Variants in TRMT2B observed in about 807,000 individuals in gnomAD.
TRMT2B encodes the protein tRNA (uracil-5-)-methyltransferase homolog B.
In TRMT2B, 34 loss-of-function variants were observed where a neutral mutation model predicts 39.7. That is an observed-to-expected ratio of 0.86 (90% CI 0.65 to 1.14). The LOEUF is 1.14. Ranked by LOEUF, TRMT2B falls within the 50% of genes most tolerant of loss-of-function variation. The pLI, the probability that TRMT2B is intolerant of heterozygous loss-of-function variation, is 0.00. For synonymous variants in TRMT2B, 132 were observed against 137.3 expected, an observed-to-expected ratio of 0.96 and a Z score of 0.27; for missense variants, 318 against 377.2, an observed-to-expected ratio of 0.84 and a Z score of 1.30.
chrX:101,024,453 T>C (rs1335850129), intron 7 of TRMT2B, among the ~76,000 whole-genome samples: 1 of 111,708 alleles, frequency 9.0e-6, no homozygotes, highest in Non-Finnish European at 1.9e-5. Context: ...CCTAGCACTT[T>C]GGGAGGCCAA....
the TRMT2B span, among the ~76,000 whole-genome samples, chrX:101,003,264 A>G: frequency 2.2e-3 from 241 of 110,300 alleles, 1 homozygote; most frequent in Middle Eastern, 9.3e-3. Flanking sequence ...GTCAGGAAAC[A>G]GTAATCAACG....
At chrX:100,988,886 A>ATAT in the TRMT2B span, among the ~76,000 whole-genome samples, 2 of 97,445 alleles carry the variant, frequency 2.1e-5, no homozygotes, top group African/African-American at 3.9e-5. Context: ...ATATATCAAG[A>ATAT]ATTTAAAAAC....
the TRMT2B span, among the ~76,000 whole-genome samples, chrX:100,984,504 T>C: frequency 1.8e-5 from 2 of 111,760 alleles, no homozygotes; most frequent in Non-Finnish European, 3.8e-5. Flanking sequence ...CTATGAGATT[T>C]TGTGTTCTGG....
chrX:101,003,813 GTGTTTT>G, the TRMT2B span, among the ~76,000 whole-genome samples: 4 of 111,447 alleles, frequency 3.6e-5, no homozygotes, highest in Non-Finnish European at 7.5e-5. Flanking sequence ...AGTTTTGGGG[GTGTTTT>G]TGTTTTTGTT....
chrX:101,015,763 G>A (rs1019379502), intron 13 of TRMT2B: 3 of 222,953 alleles, frequency 1.3e-5, no homozygotes, highest in African/African-American at 9.5e-5. Context: ...TTTTTTAATA[G>A]TCTTATTGAG....
intron 7 of TRMT2B, among the ~76,000 whole-genome samples, chrX:101,028,683 G>A (rs2087265550): frequency 9.0e-6 from 1 of 111,601 alleles, no homozygotes. Context: ...ACCTCTGATG[G>A]TTCCCCATTT....
intron 7 of TRMT2B, among the ~76,000 whole-genome samples, chrX:101,026,814 A>G (rs1396922447): frequency 1.8e-5 from 2 of 111,877 alleles, no homozygotes; most frequent in East Asian, 5.6e-4. Flanking sequence ...ATTGTTTCCA[A>G]CAATTCTCCC....
At chrX:100,995,848 G>A in the TRMT2B span, among the ~76,000 whole-genome samples, 1 of 112,307 alleles carries the variant, frequency 8.9e-6, no homozygotes, top group African/African-American at 3.2e-5. Flanking sequence ...TATACATGCT[G>A]ATCCTAACTA....
chrX:101,040,910 G>A (rs1201830093), intron 4 of TRMT2B, among the ~76,000 whole-genome samples: 1 of 111,807 alleles, frequency 8.9e-6, no homozygotes, highest in Non-Finnish European at 1.9e-5. Flanking sequence ...GGGATTCTGC[G>A]TAGAACTGTC....
In TRMT2B at chrX:101,051,363, C is replaced by T. The variant is rs1345906271; in HGVS notation, c.-136G>A. The T allele has an allele frequency of 8.0e-6, 6 of 752,443 alleles. 1 individual carries two copies. The Admixed American group carries it at 4.4e-4, about 56-fold the overall frequency. 62.0% of individuals were successfully genotyped at this position (752,443 alleles called of 1,213,427 possible). A position where few individuals can be genotyped will look rare whatever the true frequency, so the allele number is the denominator to read the frequency against. On this transcript the variant is annotated 5_prime_UTR_variant, in exon 2 of 14. Coordinates refer to ENST00000372936, the MANE Select transcript of TRMT2B (RefSeq NM_024917.6). ...GCTGGACCGGCTCCAGACACTATTC[C>T]TTGCTAAACCAAACAAGCAAATGGG...
chrX:101,049,487 CAAAAAAAA>C (rs1168727839), intron 2 of TRMT2B, among the ~76,000 whole-genome samples: 2 of 21,641 alleles, frequency 9.2e-5, no homozygotes, highest in Middle Eastern at 0.067. Flanking sequence ...ACCCTGTCTC[CAAAAAAAA>C]AAAAAAAAAA....
Position 101,035,595 on chromosome X carries a change from G to C in TRMT2B, c.609+18C>G. The C allele has an allele frequency of 1.7e-6, 2 of 1,200,972 alleles. No individual in the cohort carries two copies. The highest frequency in any genetic ancestry group is 2.3e-6 in the Non-Finnish European group (2 of 885,664). ...CAATGCTCCAGGCCATTCTCAACCAGCTCTTGTTCCATTTTACCTGCGCCA... is the reference window on the plus strand; with the variant it reads ...CAATGCTCCAGGCCATTCTCAACCACCTCTTGTTCCATTTTACCTGCGCCA... On this transcript the variant is annotated intron_variant, in intron 7 of 13. Transcript: ENST00000372936.
intron 7 of TRMT2B, among the ~76,000 whole-genome samples, chrX:101,028,047 G>C (rs1279634370): frequency 9.2e-6 from 1 of 108,658 alleles, no homozygotes; most frequent in Non-Finnish European, 1.9e-5. Flanking sequence ...CACCAGCCAA[G>C]GGTACTAAAC....
chrX:101,032,776 C>CAA (rs749914577), intron 7 of TRMT2B, among the ~76,000 whole-genome samples: 1 of 28,616 alleles, frequency 3.5e-5, no homozygotes, highest in Admixed American at 4.9e-4. Context: ...AACTCCGTCT[C>CAA]AAAAAAAAAA....
At chrX:100,986,024 T>A in the TRMT2B span, 1 of 959,403 alleles carries the variant, frequency 1.0e-6, no homozygotes. Flanking sequence ...AGGCCTCCTG[T>A]TCCCTTAGGC....
intron 7 of TRMT2B, among the ~76,000 whole-genome samples, chrX:101,024,494 A>T (rs915009759): frequency 4.5e-5 from 5 of 111,006 alleles, no homozygotes; most frequent in African/African-American, 1.6e-4. Flanking sequence ...CCAGGAGTTC[A>T]AGACCACCTG....
downstream of TRMT2B, among the ~76,000 whole-genome samples, chrX:101,005,573 CTTTTTTT>C (rs10567072): frequency 1.1e-5 from 1 of 91,802 alleles, no homozygotes; most frequent in East Asian, 3.4e-4. Flanking sequence ...ATTCAGCTGC[CTTTTTTT>C]TTTTTTTTTT....
intron 7 of TRMT2B, among the ~76,000 whole-genome samples, chrX:101,029,545 C>A (rs189252204): frequency 1.8e-5 from 2 of 111,644 alleles, no homozygotes; most frequent in East Asian, 5.6e-4. Context: ...ATATGATTTA[C>A]TTATTTTTTA....
intron 4 of TRMT2B, among the ~76,000 whole-genome samples, chrX:101,038,316 C>T (rs1373674451): frequency 3.3e-5 from 3 of 89,896 alleles, no homozygotes; most frequent in South Asian, 5.6e-4. Flanking sequence ...TGTGGTGAGC[C>T]GAGATCACAC....
Sources: gnomAD v4.1 joint callset for allele counts (sites outside exome capture counted in the v4.1 genomes callset) on GRCh38, gnomAD v4.1.1 for gene constraint, MANE v1.5 for transcripts, NCBI Gene and HGNC (gene_info 2026-07-23, HGNC 2026-07-21) for gene names.